The following ART3 variants were observed in gnomAD, a reference collection of about 807,000 sequenced individuals.
ART3 encodes the protein ecto-ADP-ribosyltransferase 3.
In ART3, 49 loss-of-function variants were observed where a neutral mutation model predicts 48.5. That is an observed-to-expected ratio of 1.01 (90% CI 0.80 to 1.28). The LOEUF (loss-of-function observed/expected upper bound fraction) is 1.28, where lower values mean the gene tolerates loss of function less well. ART3 is among the 50% of genes most tolerant of loss of function. The pLI is 0.00. For missense variants in ART3, 438 were observed against 454.3 expected, an observed-to-expected ratio of 0.96 and a Z score of 0.33; for synonymous variants, 145 against 157.2, an observed-to-expected ratio of 0.92 and a Z score of 0.58.
intron 10 of ART3, chr4:76,106,433 T>G: frequency 8.7e-6 from 8 of 915,416 alleles, no homozygotes; most frequent in Non-Finnish European, 9.1e-6. Flanking sequence ...GAGAGGCGCC[T>G]TCTGGCCGAG....
intron 1 of ART3, among the ~76,000 whole-genome samples, chr4:76,028,148 T>A (rs1733573450): frequency 6.8e-6 from 1 of 147,892 alleles, no homozygotes; most frequent in African/African-American, 2.5e-5. Flanking sequence ...ACCTGACAAA[T>A]GTGATCAACA....
At chr4:76,081,142 C>CGAG (rs1335524608) in intron 2 of ART3, among the ~76,000 whole-genome samples, 1 of 152,168 alleles carries the variant, frequency 6.6e-6, no homozygotes, top group Non-Finnish European at 1.5e-5. Context: ...TCATCTCTAC[C>CGAG]TCTCAGCTCA....
chr4:76,098,714 C>A (rs908427341), intron 4 of ART3, among the ~76,000 whole-genome samples: 1 of 151,960 alleles, frequency 6.6e-6, no homozygotes, highest in African/African-American at 2.4e-5. Context: ...GAGCCGGGAT[C>A]GTGCCACTGC....
chr4:76,048,489 A>G (rs1735726601), intron 1 of ART3, among the ~76,000 whole-genome samples: 1 of 151,384 alleles, frequency 6.6e-6, no homozygotes, highest in Non-Finnish European at 1.5e-5. Flanking sequence ...GAAAGGCAAA[A>G]CCACCCGTGG....
chr4:76,040,399 G>C lies in ART3; in HGVS notation c.-10+29079G>C, dbSNP rs552981266. Among the ~76,000 whole-genome samples the C allele has an allele frequency of 5.3e-5, 8 of 149,768 alleles. No homozygotes were observed. The East Asian group carries it at 1.6e-3, about 30-fold the overall frequency. On this transcript the variant is annotated intron_variant, in intron 1 of 9. Transcript: ENST00000341029. ...ACCACCAGAGATGACCACTGCTTTAGTTTTCTTCCCTCTGGATGGATACGC... is the reference window on the plus strand; with the variant it reads ...ACCACCAGAGATGACCACTGCTTTACTTTTCTTCCCTCTGGATGGATACGC...
intron 10 of ART3, chr4:76,106,140 A>G (rs1728424093): frequency 3.0e-6 from 3 of 985,294 alleles, no homozygotes; most frequent in Non-Finnish European, 3.6e-6. Flanking sequence ...AGGCTAACAA[A>G]TTTATAATAG....
chr4:76,095,039 A>G (rs1725696676), intron 3 of ART3, among the ~76,000 whole-genome samples: 1 of 152,106 alleles, frequency 6.6e-6, no homozygotes, highest in East Asian at 1.9e-4. Flanking sequence ...CATTCCTTAT[A>G]TATTTATGCC....
chr4:76,093,782 C>T (rs1725430723), intron 3 of ART3, among the ~76,000 whole-genome samples: 1 of 152,096 alleles, frequency 6.6e-6, no homozygotes, highest in Admixed American at 6.6e-5. Flanking sequence ...GTGTATTTTT[C>T]ATCTCAGAAT....
intron 1 of ART3, among the ~76,000 whole-genome samples, chr4:76,015,110 A>G (rs900163077): frequency 2.0e-5 from 3 of 152,238 alleles, no homozygotes; most frequent in African/African-American, 7.2e-5. Flanking sequence ...ATATAAAGGA[A>G]TAATACTGGT....
chr4:76,061,647 C>A (rs1351189987), intron 1 of ART3, among the ~76,000 whole-genome samples: 1 of 152,214 alleles, frequency 6.6e-6, no homozygotes, highest in African/African-American at 2.4e-5. Context: ...TCCTCCCCAA[C>A]TTTTTAACTC....
rs1224017795 is a variant in ART3 at position 76,068,954 on chromosome 4, TTAAA to T, written c.-9-6924_-9-6921del. ...AGCTACTCCAACCACTGTGCATGGC[TTAAA>T]TAGTTTTTATTGTGTGTACAGATTT... On this transcript the variant is annotated intron_variant, in intron 1 of 9. Coordinates refer to the ART3 transcript ENST00000341029. Among the ~76,000 whole-genome samples, 3 of 152,248 alleles carry T rather than the reference TTAAA, an allele frequency of 2.0e-5. No individual in the cohort carries two copies. The East Asian group carries it at 5.8e-4, about 29-fold the overall frequency.
intron 1 of ART3, among the ~76,000 whole-genome samples, chr4:76,064,185 C>T (rs1445518295): frequency 6.6e-6 from 1 of 152,072 alleles, no homozygotes; most frequent in Admixed American, 6.5e-5. Flanking sequence ...AAATGGATTC[C>T]AAGCAATAGA....
chr4:76,056,160 T>C (rs1034027242), intron 1 of ART3, among the ~76,000 whole-genome samples: 3 of 152,188 alleles, frequency 2.0e-5, no homozygotes, highest in Non-Finnish European at 2.9e-5. Context: ...TCTCCTTCTT[T>C]AGCTTTTGTT....
chr4:76,106,416 C>A (rs1223144660), intron 10 of ART3: 1 of 966,488 alleles, frequency 1.0e-6, no homozygotes, highest in African/African-American at 1.8e-5. Flanking sequence ...TTAGAGAAAA[C>A]AAACTTGAGA....
chr4:76,050,403 C>T (rs531040831), intron 1 of ART3, among the ~76,000 whole-genome samples: 109 of 152,222 alleles, frequency 7.2e-4, no homozygotes, highest in African/African-American at 2.3e-3. Flanking sequence ...CTCCAGGGCC[C>T]CACCAGAATA....
intron 1 of ART3, chr4:76,023,489 G>C (rs1733081954): frequency 1.4e-6 from 2 of 1,478,442 alleles, no homozygotes; most frequent in South Asian, 2.3e-5. Flanking sequence ...AGCAATTGAG[G>C]AATGTCTCAG....
intron 5 of ART3, chr4:76,099,244 G>A (rs1399290857): frequency 2.3e-6 from 1 of 434,620 alleles, no homozygotes; most frequent in Non-Finnish European, 4.3e-6. Context: ...AGAGGTTGCA[G>A]TGAGCCAAGA....
rs372807584 is a variant in ART3 at position 76,029,461 on chromosome 4, A to G, written c.-10+18141A>G. ...GAAACTATGGTTTCAGTGTTATGTGATAATCTCAGACTTGCTCAATTTCAT... is the reference window on the plus strand; with the variant it reads ...GAAACTATGGTTTCAGTGTTATGTGGTAATCTCAGACTTGCTCAATTTCAT... On this transcript the variant is annotated intron_variant, in intron 1 of 9. Coordinates refer to the ART3 transcript ENST00000341029. Among the ~76,000 whole-genome samples the G allele has an allele frequency of 7.9e-4, 120 of 152,324 alleles. 1 individual carries two copies. The highest frequency in any genetic ancestry group is 2.6e-3 in the African/African-American group (110 of 41,566).
chr4:76,024,302 G>A (rs1310476015), intron 1 of ART3, among the ~76,000 whole-genome samples: 2 of 151,996 alleles, frequency 1.3e-5, no homozygotes, highest in African/African-American at 2.4e-5. Flanking sequence ...AAAGCGGGGG[G>A]GCACGCATAG....
Sources: allele counts gnomAD v4.1 joint callset (sites outside exome capture counted in the v4.1 genomes callset), GRCh38; gene constraint gnomAD v4.1.1; transcripts MANE v1.5; gene names NCBI Gene and HGNC (gene_info 2026-07-23, HGNC 2026-07-21).